The following ENTREP2 variants were observed in gnomAD, a reference collection of about 807,000 sequenced individuals.
The protein encoded by ENTREP2 is protein ENTREP2.
At chr15:29,269,732 A>T in the ENTREP2 span, 7 of 1,471,990 alleles carry the variant, frequency 4.8e-6, no homozygotes, top group Non-Finnish European at 6.3e-6. Flanking sequence ...GCCGGCGCAC[A>T]CTCCGGTAGG....
chr15:29,296,991 A>C, the ENTREP2 span, among the ~76,000 whole-genome samples: 3 of 152,174 alleles, frequency 2.0e-5, no homozygotes, highest in African/African-American at 7.2e-5. Context: ...TGTGACCCAT[A>C]AACCCTGGTC....
chr15:29,242,462 G>A, the ENTREP2 span, among the ~76,000 whole-genome samples: 1 of 152,178 alleles, frequency 6.6e-6, no homozygotes, highest in Non-Finnish European at 1.5e-5. Flanking sequence ...TGTGCATGGA[G>A]CCTCAAATTA....
chr15:29,627,232 G>T, the ENTREP2 span, among the ~76,000 whole-genome samples: 5 of 152,050 alleles, frequency 3.3e-5, no homozygotes, highest in African/African-American at 1.2e-4. Context: ...ATACAATTCA[G>T]TGGTATTAGT....
the ENTREP2 span, among the ~76,000 whole-genome samples, chr15:29,130,124 C>T: frequency 6.6e-6 from 1 of 152,230 alleles, no homozygotes; most frequent in Non-Finnish European, 1.5e-5. Flanking sequence ...TTCCCACCCA[C>T]ACAAAGGGTG....
the ENTREP2 span, among the ~76,000 whole-genome samples, chr15:29,302,971 C>T: frequency 1.3e-5 from 2 of 152,146 alleles, no homozygotes; most frequent in Non-Finnish European, 2.9e-5. Context: ...AGGCTGATCC[C>T]AGCGACCCCA....
chr15:29,139,016 T>A, the ENTREP2 span, among the ~76,000 whole-genome samples: 1 of 151,866 alleles, frequency 6.6e-6, no homozygotes, highest in Non-Finnish European at 1.5e-5. Context: ...TGTAAGGGTG[T>A]TGGAGCTGGG....
the ENTREP2 span, among the ~76,000 whole-genome samples, chr15:29,404,119 G>A: frequency 2.4e-4 from 37 of 152,216 alleles, no homozygotes; most frequent in African/African-American, 8.9e-4. Flanking sequence ...AGGGGAGGAA[G>A]GGGGCACGAG....
the ENTREP2 span, among the ~76,000 whole-genome samples, chr15:29,219,371 G>A: frequency 6.6e-6 from 1 of 151,862 alleles, no homozygotes; most frequent in East Asian, 1.9e-4. Context: ...TGCTGCTGGT[G>A]GGAATGTAAA....
At chr15:29,455,771 C>T in the ENTREP2 span, among the ~76,000 whole-genome samples, 1 of 152,188 alleles carries the variant, frequency 6.6e-6, no homozygotes, top group East Asian at 1.9e-4. Flanking sequence ...AGCTGCTCCC[C>T]ACTGCTTGTG....
the ENTREP2 span, among the ~76,000 whole-genome samples, chr15:29,240,175 C>A: frequency 2.6e-5 from 4 of 152,084 alleles, no homozygotes; most frequent in Non-Finnish European, 4.4e-5. Flanking sequence ...CCAGCCTGAC[C>A]AACATGTAGA....
chr15:29,309,606 T>C, the ENTREP2 span, among the ~76,000 whole-genome samples: 1 of 151,832 alleles, frequency 6.6e-6, no homozygotes, highest in Admixed American at 6.6e-5. Flanking sequence ...ACGGCCGACA[T>C]GGCAAAACCC....
chr15:29,667,994 G>A, the ENTREP2 span, among the ~76,000 whole-genome samples: 2 of 152,102 alleles, frequency 1.3e-5, no homozygotes, highest in African/African-American at 4.8e-5. Flanking sequence ...CCTTAAAACT[G>A]TACAGGTGAG....
chr15:29,256,817 C>T, the ENTREP2 span, among the ~76,000 whole-genome samples: 1 of 152,100 alleles, frequency 6.6e-6, no homozygotes, highest in Non-Finnish European at 1.5e-5. Flanking sequence ...CTATTTCCTC[C>T]CATTTATTAA....
the ENTREP2 span, among the ~76,000 whole-genome samples, chr15:29,367,524 T>TA: frequency 7.2e-5 from 11 of 151,898 alleles, no homozygotes; most frequent in Admixed American, 3.3e-4. Flanking sequence ...TCTAAACACT[T>TA]AAAAAAAATC....
chr15:29,561,613 A>G, the ENTREP2 span, among the ~76,000 whole-genome samples: 1 of 152,098 alleles, frequency 6.6e-6, no homozygotes, highest in Admixed American at 6.6e-5. Context: ...GCGTGAACCC[A>G]GCAGGCAGAG....
chr15:29,444,934 G>A, the ENTREP2 span, among the ~76,000 whole-genome samples: 1 of 152,200 alleles, frequency 6.6e-6, no homozygotes, highest in Admixed American at 6.5e-5. Flanking sequence ...GTACCAATAA[G>A]GTTTAAGGAT....
chr15:29,397,629 A>G, the ENTREP2 span, among the ~76,000 whole-genome samples: 1 of 152,246 alleles, frequency 6.6e-6, no homozygotes, highest in African/African-American at 2.4e-5. Flanking sequence ...AAAACCCAGG[A>G]TGACAAAGAT....
chr15:29,515,178 G>C, the ENTREP2 span, among the ~76,000 whole-genome samples: 1 of 152,290 alleles, frequency 6.6e-6, no homozygotes, highest in Non-Finnish European at 1.5e-5. Flanking sequence ...TCCTGACTGC[G>C]GAGCAGGACC....
At chr15:29,674,469 C>T in the ENTREP2 span, among the ~76,000 whole-genome samples, 1 of 152,054 alleles carries the variant, frequency 6.6e-6, no homozygotes. Flanking sequence ...GGGGTTTCAC[C>T]ATGTTGGCCA....
Sources: allele counts gnomAD v4.1 joint callset (sites outside exome capture counted in the v4.1 genomes callset), GRCh38; gene constraint gnomAD v4.1.1; transcripts MANE v1.5; gene names NCBI Gene and HGNC (gene_info 2026-07-23, HGNC 2026-07-21).